Variants in ZC3H4 observed in about 807,000 individuals in gnomAD.
The protein encoded by ZC3H4 is zinc finger CCCH-type containing 4.
In ZC3H4, 13 loss-of-function variants were observed where a neutral mutation model predicts 108.3. The observed-to-expected ratio is 0.12, with a 90% CI of 0.08 to 0.19. ZC3H4 has a LOEUF of 0.19. ZC3H4 is among the 10% of genes least tolerant of loss of function. The probability of loss-of-function intolerance (pLI) is 1.00; values close to 1 mark genes in which losing one functional copy is unlikely to be tolerated. For missense variants in ZC3H4, 1,734 were observed against 1,838.8 expected (o/e 0.94, Z 1.04); for synonymous variants, 917 against 749.6 (o/e 1.22, Z -3.65).
In ZC3H4 at chr19:47,072,520, G is replaced by A. The variant is rs1248868201; in HGVS notation, c.1634C>T (p.Pro545Leu). The change falls in exon 12 of 15, where the codon CCC becomes CTC. Residue 545 changes from proline (P) to leucine (L), a missense_variant. Pro to Leu is a moderately conservative substitution (Grantham distance 98). This residue lies in a region of ZC3H4 where 75 missense variants were observed against 85.8 expected (regional missense o/e 0.87). Coordinates refer to ENST00000253048, the MANE Select transcript of ZC3H4 (RefSeq NM_015168.2). The surrounding 1 kb of genome is among the most constrained non-coding windows in gnomAD (Gnocchi z 5.6). ...CCCGGGCGGTGGGGGAGGGGGAGGGGGCGGGGGCGGGGGGCCACCCTGCAT... is the reference window on the plus strand; with the variant it reads ...CCCGGGCGGTGGGGGAGGGGGAGGGAGCGGGGGCGGGGGGCCACCCTGCAT... ...RPMQGGPPPP[P>L]PPPPPPPGPP... The A allele has an allele frequency of 1.7e-6, 2 of 1,200,194 alleles. No homozygotes were observed. The highest frequency in any genetic ancestry group is 2.3e-6 in the Non-Finnish European group (2 of 864,456). 74.3% of individuals were successfully genotyped at this position (1,200,194 alleles called of 1,614,324 possible). A position where few individuals can be genotyped will look rare whatever the true frequency, so the allele number is the denominator to read the frequency against.
At chr19:47,073,727 AG>A (rs1230943665) in intron 11 of ZC3H4, among the ~76,000 whole-genome samples, 3 of 152,050 alleles carry the variant, frequency 2.0e-5, no homozygotes, top group African/African-American at 7.2e-5. Flanking sequence ...CTCTACCCCC[AG>A]CCCCCGGCAG....
chr19:47,112,412 C>T lies in ZC3H4; in HGVS notation c.161+12G>A. On this transcript the variant is annotated intron_variant, in intron 2 of 14. Coordinates refer to ENST00000253048, the MANE Select transcript of ZC3H4 (RefSeq NM_015168.2). ...CCCGGGGACGCAGCCCCGGCCCAACCGGGGGCCTGACCTGTCGTCAGGGAG... is the reference window on the plus strand; with the variant it reads ...CCCGGGGACGCAGCCCCGGCCCAACTGGGGGCCTGACCTGTCGTCAGGGAG... The T allele has an allele frequency of 4.1e-6, 5 of 1,234,096 alleles. No homozygotes were observed. Among genetic ancestry groups the T allele is most frequent in the African/African-American group, 3.1e-5 (2 of 64,454 alleles). 76.4% of individuals were successfully genotyped at this position (1,234,096 alleles called of 1,614,324 possible).
At chr19:47,111,529 G>A (rs1653582123) in intron 2 of ZC3H4, among the ~76,000 whole-genome samples, 1 of 152,096 alleles carries the variant, frequency 6.6e-6, no homozygotes, top group South Asian at 2.1e-4. Flanking sequence ...ACAAGGCAGG[G>A]AAACCAAACC....
Position 47,086,652 on chromosome 19 carries a change from TCTCCTCCTC to T in ZC3H4, c.716-123_716-115del, listed in dbSNP as rs535318899. Reference sequence around the variant, plus strand: ...ATCACTTCAGCTGCCTCCTCCTCCTTCTCCTCCTCCTCCTCCTCCAAGAAGCCTTCCTAG... The same window carrying T: ...ATCACTTCAGCTGCCTCCTCCTCCTTCTCCTCCTCCAAGAAGCCTTCCTAG... On this transcript the variant is annotated intron_variant, in intron 5 of 14. Coordinates refer to ENST00000253048, the MANE Select transcript of ZC3H4 (RefSeq NM_015168.2). The T allele has an allele frequency of 5.8e-6, 8 of 1,383,426 alleles. 1 individual carries two copies. The South Asian group carries it at 9.8e-5, about 17-fold the overall frequency. 85.7% of individuals were successfully genotyped at this position (1,383,426 alleles called of 1,614,324 possible).
intron 11 of ZC3H4, among the ~76,000 whole-genome samples, chr19:47,078,483 C>CAA (rs1334170467): frequency 5.7e-5 from 8 of 140,058 alleles, no homozygotes; most frequent in African/African-American, 1.3e-4. Context: ...GACTCCGTTT[C>CAA]AAAAAAAACA....
intron 2 of ZC3H4, among the ~76,000 whole-genome samples, chr19:47,111,643 T>TA (rs149339889): frequency 0.52 from 79,162 of 151,470 alleles, 24,389 homozygotes; most frequent in Non-Finnish European, 0.71. Context: ...GAGTCTTCTC[T>TA]AAAAAAATAG....
intron 2 of ZC3H4, 147 bp downstream of exon 2, chr19:47,112,277 C>T (rs374926307): frequency 1.3e-5 from 15 of 1,121,506 alleles, no homozygotes; most frequent in African/African-American, 3.2e-5. Flanking sequence ...AGCAAGCGAT[C>T]GAGAGACACC....
chr19:47,107,657 GAAAAAA>G (rs1157842797), intron 2 of ZC3H4, among the ~76,000 whole-genome samples: 4 of 90,264 alleles, frequency 4.4e-5, no homozygotes, highest in Non-Finnish European at 7.4e-5. Flanking sequence ...GTTCTGTTAA[GAAAAAA>G]AAAAAAAAAA....
intron 2 of ZC3H4, chr19:47,112,179 G>A: frequency 8.4e-7 from 1 of 1,190,084 alleles, no homozygotes; most frequent in Non-Finnish European, 1.0e-6. Flanking sequence ...AAAAAAGACA[G>A]AGCGAGAGCG....
At chr19:47,087,105 G>T (rs2057642635) in intron 5 of ZC3H4, among the ~76,000 whole-genome samples, 1 of 151,826 alleles carries the variant, frequency 6.6e-6, no homozygotes, top group Non-Finnish European at 1.5e-5. Flanking sequence ...GTGAAATCTT[G>T]TTTCTACTAA....
chr19:47,066,622 T>C lies in ZC3H4; in HGVS notation c.3646A>G (p.Asn1216Asp). Residue 1216 changes from asparagine to aspartate, a missense_variant, in exon 15 of 15, where the codon AAC (asparagine) becomes GAC (aspartate). Asn to Asp is a conservative substitution (Grantham distance 23). Coordinates refer to ENST00000253048, the MANE Select transcript of ZC3H4 (RefSeq NM_015168.2). Reference sequence around the variant, plus strand: ...TTGGGCCGGGGCCGGTTGTAGCTGTTGTATCTGTCCGTGGGGGTGCCCCCA... The same window carrying C: ...TTGGGCCGGGGCCGGTTGTAGCTGTCGTATCTGTCCGTGGGGGTGCCCCCA... ...ADGGTPTDRY[N>D]SYNRPRPKAA... The C allele has an allele frequency of 6.2e-7, 1 of 1,610,992 alleles. No individual in the cohort carries two copies. Among genetic ancestry groups the C allele is most frequent in the Non-Finnish European group, 8.5e-7 (1 of 1,179,048 alleles).
rs147653086 is a variant in ZC3H4, at chr19:47,066,099, C to T, written c.*257G>A. On this transcript the variant is annotated 3_prime_UTR_variant, in exon 15 of 15. Coordinates refer to ENST00000253048, the MANE Select transcript of ZC3H4 (RefSeq NM_015168.2). ...GCACTGGCGAAAGTTCACAGGTTTGCGGGCATGAGTCGGTTTGCTCAGCAG... is the reference window on the plus strand; with the variant it reads ...GCACTGGCGAAAGTTCACAGGTTTGTGGGCATGAGTCGGTTTGCTCAGCAG... 46 of 346,216 alleles carry T rather than the reference C, an allele frequency of 1.3e-4. No homozygotes were observed. Among genetic ancestry groups the T allele is most frequent in the Non-Finnish European group, 1.9e-4 (37 of 192,048 alleles). The allele number at this position is 346,216 out of a possible 1,614,324, so 21.4% of individuals were successfully genotyped here. A position where few individuals can be genotyped will look rare whatever the true frequency, so the allele number is the denominator to read the frequency against.
intron 11 of ZC3H4, among the ~76,000 whole-genome samples, chr19:47,080,522 G>A (rs145804082): frequency 6.6e-4 from 100 of 152,204 alleles, no homozygotes; most frequent in East Asian, 1.9e-3. Flanking sequence ...TGGAGATGGC[G>A]TCTTGCTCTG....
At chr19:47,106,619 T>C (rs1358998171) in intron 2 of ZC3H4, among the ~76,000 whole-genome samples, 2 of 152,214 alleles carry the variant, frequency 1.3e-5, no homozygotes, top group Non-Finnish European at 1.5e-5. Context: ...ATTAGTAAGC[T>C]GCAAGCAGCA....
At position 47,071,879 on chromosome 19, in the gene ZC3H4, G is replaced by C; in HGVS notation, c.2045C>G (p.Ser682Cys). The change falls in exon 13 of 15, where the codon TCT (serine) becomes TGT (cysteine). Residue 682 changes from serine to cysteine, a missense_variant. Transcript: ENST00000253048. Reference protein sequence around the residue: ...MPYGPGDSPHSGMMPPIPPAQ... With the variant: ...MPYGPGDSPHCGMMPPIPPAQ... ...TGGCGGGATAGGGGGCATCATTCCA[G>C]AATGTGGGGAGTCTCCAGGGCCGTA... is the stretch of plus-strand genomic sequence containing the variant. 1 of 1,613,224 alleles carries C rather than the reference G, an allele frequency of 6.2e-7. No homozygotes were observed. Among genetic ancestry groups the C allele is most frequent in the Non-Finnish European group, 8.5e-7 (1 of 1,179,632 alleles).
intron 11 of ZC3H4, among the ~76,000 whole-genome samples, chr19:47,076,497 T>C (rs946218273): frequency 6.6e-6 from 1 of 152,176 alleles, no homozygotes; most frequent in African/African-American, 2.4e-5. Context: ...GTTTCTGGGG[T>C]GATGGAATGG....
chr19:47,078,968 G>A (rs186175640), intron 11 of ZC3H4, among the ~76,000 whole-genome samples: 332 of 151,050 alleles, frequency 2.2e-3, no homozygotes, highest in African/African-American at 7.8e-3. Flanking sequence ...CGAAGGTTGC[G>A]GTGAGCAGAG....
chr19:47,066,868 C>T lies in ZC3H4; in HGVS notation c.3400G>A (p.Gly1134Ser), dbSNP rs762026393. 1 of 1,598,900 alleles carries T rather than the reference C, an allele frequency of 6.3e-7. No individual in the cohort carries two copies. The highest frequency in any genetic ancestry group is 1.1e-5 in the South Asian group (1 of 90,798). Residue 1134 changes from glycine (G) to serine (S), a missense_variant, in exon 15 of 15, where the codon GGC becomes AGC. This residue lies in a region of ZC3H4 where 518 missense variants were observed against 499.6 expected (regional missense o/e 1.04). Transcript: ENST00000253048. ...RVLAAGGLGQ[G>S]GGGGQSSVLS... ...ACACTGCTCTGCCCGCCCCCTCCGCCCTGGCCCAGTCCACCGGCCGCCAGC... is the reference window on the plus strand; with the variant it reads ...ACACTGCTCTGCCCGCCCCCTCCGCTCTGGCCCAGTCCACCGGCCGCCAGC...
At chr19:47,082,984 C>T (rs530837844) in intron 9 of ZC3H4, among the ~76,000 whole-genome samples, 2 of 152,184 alleles carry the variant, frequency 1.3e-5, no homozygotes, top group African/African-American at 2.4e-5. Flanking sequence ...TCACCATAAC[C>T]GTGAACTGAA....
Sources: gnomAD v4.1 joint callset for allele counts (sites outside exome capture counted in the v4.1 genomes callset) on GRCh38, gnomAD v4.1.1 for gene constraint, gnomAD v4.1.1 regional missense constraint, Gnocchi (gnomAD v3.1) non-coding constraint, MANE v1.5 for transcripts, NCBI Gene and HGNC (gene_info 2026-07-23, HGNC 2026-07-21) for gene names.